Variants in ATG7 observed in about 807,000 individuals in gnomAD.
ATG7 encodes the protein ubiquitin-like modifier-activating enzyme ATG7.
A neutral mutation model predicts 82.4 loss-of-function variants in ATG7; 70 were observed. The ratio of observed to expected loss-of-function variants is 0.85; its 90% CI spans 0.70 to 1.04. The LOEUF (loss-of-function observed/expected upper bound fraction) is 1.04. ATG7 is among the 50% of genes least tolerant of loss of function. The pLI, the probability that ATG7 is intolerant of heterozygous loss-of-function variation, is 0.00. For synonymous variants in ATG7, 287 were observed against 313.0 expected, an observed-to-expected ratio of 0.92 and a Z score of 0.88; for missense variants, 792 against 864.3, an observed-to-expected ratio of 0.92 and a Z score of 1.05.
At chr3:11,335,167 G>C (rs1325890761) in intron 11 of ATG7, among the ~76,000 whole-genome samples, 7 of 152,064 alleles carry the variant, frequency 4.6e-5, no homozygotes, top group African/African-American at 1.7e-4. Context: ...CCTTTCTGCT[G>C]TTTTTAGATA....
chr3:11,352,884 AGT>A (rs2075668266), intron 14 of ATG7, among the ~76,000 whole-genome samples: 1 of 152,182 alleles, frequency 6.6e-6, no homozygotes, highest in African/African-American at 2.4e-5. Context: ...AGGACCAGAG[AGT>A]GGTGGGAAAG....
At chr3:11,299,651 C>A (rs1279010130) in intron 5 of ATG7, among the ~76,000 whole-genome samples, 1 of 152,018 alleles carries the variant, frequency 6.6e-6, no homozygotes, top group East Asian at 1.9e-4. Flanking sequence ...TGCCAGGTGC[C>A]ATCTAGATTG....
intron 20 of ATG7, among the ~76,000 whole-genome samples, chr3:11,487,147 G>T (rs2089777511): frequency 6.9e-6 from 1 of 145,954 alleles, no homozygotes; most frequent in Admixed American, 6.8e-5. Context: ...GCACAGGGTT[G>T]GGGGTAAGGT....
chr3:11,308,213 A>T (rs1428927974), intron 6 of ATG7, among the ~76,000 whole-genome samples: 1 of 152,192 alleles, frequency 6.6e-6, no homozygotes, highest in Non-Finnish European at 1.5e-5. Flanking sequence ...TTAGGGAATG[A>T]TTCTTATTAG....
In ATG7 at chr3:11,307,003, A is replaced by G; in HGVS notation, c.276A>G (p.Thr92=). 6.2e-7 allele frequency: 1 copy of G among 1,613,894 alleles called. No individual in the cohort carries two copies. The highest frequency in any genetic ancestry group is 8.5e-7 in the Non-Finnish European group (1 of 1,179,972). ...PAIGTLYNTN[T]LESFKTADKK... Reference sequence around the variant, plus strand: ...TTGGAACACTGTATAACACCAACACACTCGAGTCTTTCAAGACTGCAGATA... The same window carrying G: ...TTGGAACACTGTATAACACCAACACGCTCGAGTCTTTCAAGACTGCAGATA... Residue 92 remains threonine (T), a synonymous_variant, in exon 6 of 21, where the codon ACA becomes ACG. Coordinates refer to ENST00000693202, the MANE Select transcript of ATG7 (RefSeq NM_001349232.2).
chr3:11,424,476 C>CCAA (rs775619085), intron 19 of ATG7, among the ~76,000 whole-genome samples: 1 of 151,570 alleles, frequency 6.6e-6, no homozygotes, highest in South Asian at 2.1e-4. Context: ...GAGACTGTCA[C>CCAA]CAACAACAAC....
intron 11 of ATG7, among the ~76,000 whole-genome samples, chr3:11,336,739 C>A (rs1952561515): frequency 6.6e-6 from 1 of 152,160 alleles, no homozygotes; most frequent in Non-Finnish European, 1.5e-5. Flanking sequence ...GTGGCAAAAT[C>A]ATAGCTCACT....
intron 19 of ATG7, among the ~76,000 whole-genome samples, chr3:11,416,892 A>G (rs1172841483): frequency 6.6e-6 from 1 of 151,978 alleles, no homozygotes; most frequent in Non-Finnish European, 1.5e-5. Context: ...ATTTTGATAC[A>G]TTGTGTTTTC....
At chr3:11,560,063 C>G (rs143399248), downstream of ATG7, among the ~76,000 whole-genome samples, 2 of 152,096 alleles carry the variant, frequency 1.3e-5, no homozygotes, top group East Asian at 3.9e-4. Flanking sequence ...TTCACCCCCA[C>G]CCCCACGCTG....
intron 3 of ATG7, among the ~76,000 whole-genome samples, chr3:11,293,767 C>T (rs1457111502): frequency 9.9e-5 from 15 of 151,766 alleles, no homozygotes; most frequent in Non-Finnish European, 1.8e-4. Flanking sequence ...AGGAGAATCA[C>T]GTGAACCCAG....
chr3:11,347,313 G>A (rs1040919037), intron 13 of ATG7, among the ~76,000 whole-genome samples: 1 of 152,142 alleles, frequency 6.6e-6, no homozygotes, highest in African/African-American at 2.4e-5. Context: ...CTATAAAACC[G>A]TGAAAACTAT....
intron 20 of ATG7, among the ~76,000 whole-genome samples, chr3:11,496,430 C>G (rs575386075): frequency 3.3e-5 from 5 of 152,298 alleles, no homozygotes; most frequent in Middle Eastern, 3.4e-3. Context: ...TTTCTACTCT[C>G]CCTCCTCCCC....
At chr3:11,554,497 C>G (rs918080356) in intron 20 of ATG7, among the ~76,000 whole-genome samples, 5 of 152,162 alleles carry the variant, frequency 3.3e-5, no homozygotes, top group African/African-American at 1.2e-4. Context: ...GCTGCAGAAG[C>G]CAGGATGAGC....
rs139491963 is a variant in ATG7, at chr3:11,327,593, C to G, written c.679-3747C>G. On this transcript the variant is annotated intron_variant, in intron 9 of 20. Coordinates refer to ENST00000693202, the MANE Select transcript of ATG7 (RefSeq NM_001349232.2). ...ACTTTGAGAAATTGCTGCAGACAAT[C>G]AAGAAGTTTGTAACTTGCACATTAG... is the stretch of plus-strand genomic sequence containing the variant. 4.1e-3 allele frequency among the ~76,000 whole-genome samples: 617 copies of G among 152,296 alleles called. 5 individuals are homozygous for G. Among genetic ancestry groups the G allele is most frequent in the African/African-American group, 0.014 (583 of 41,562 alleles).
chr3:11,452,160 G>T (rs147023072), intron 20 of ATG7, among the ~76,000 whole-genome samples: 1 of 151,896 alleles, frequency 6.6e-6, no homozygotes, highest in African/African-American at 2.4e-5. Context: ...GAGGCAGGCA[G>T]ATTACCCTGA....
intron 19 of ATG7, among the ~76,000 whole-genome samples, chr3:11,418,285 T>A (rs528983197): frequency 7.5e-5 from 11 of 147,616 alleles, no homozygotes; most frequent in East Asian, 6.0e-4. Flanking sequence ...TTTTTTTTTT[T>A]ATATTTTGTA....
At chr3:11,300,371 C>T (rs1041799896) in intron 5 of ATG7, among the ~76,000 whole-genome samples, 2 of 152,072 alleles carry the variant, frequency 1.3e-5, no homozygotes, top group Non-Finnish European at 2.9e-5. Flanking sequence ...CAGGGTCACA[C>T]CTGGCCAAAT....
rs767739963 is a variant in ATG7, at chr3:11,282,243, T to C, written c.-206T>C. 1.3e-5 allele frequency: 2 copies of C among 152,228 alleles called. No individual in the cohort carries two copies. Among genetic ancestry groups the C allele is most frequent in the Non-Finnish European group, 2.9e-5 (2 of 68,048 alleles). 9.4% of individuals were successfully genotyped at this position (152,228 alleles called of 1,614,324 possible). On this transcript the variant is annotated 5_prime_UTR_variant, in exon 3 of 21. An upstream open reading frame in the 5' UTR loses its in-frame stop. Transcript: ENST00000693202. ...ATCCAGTGCATCCGTTCTCAAAAAC[T>C]GAAGCTGATGGACACCAGATTGCAT...
At chr3:11,363,957 G>C (rs915321648) in intron 17 of ATG7, among the ~76,000 whole-genome samples, 29 of 152,102 alleles carry the variant, frequency 1.9e-4, no homozygotes, top group African/African-American at 7.0e-4. Flanking sequence ...TTAGCTATCT[G>C]TCATTTAAGT....
Sources: allele counts gnomAD v4.1 joint callset (sites outside exome capture counted in the v4.1 genomes callset), GRCh38; gene constraint gnomAD v4.1.1; transcripts MANE v1.5; gene names NCBI Gene and HGNC (gene_info 2026-07-23, HGNC 2026-07-21).